The following SCRG1 variants were observed in gnomAD, a reference collection of about 807,000 sequenced individuals.
SCRG1 encodes scrapie-responsive protein 1.
A neutral mutation model predicts 7.7 loss-of-function variants in SCRG1; 3 were observed. The ratio of observed to expected loss-of-function variants is 0.39; its 90% CI spans 0.18 to 1.01. The LOEUF is 1.01. SCRG1 is among the 50% of genes least tolerant of loss of function. SCRG1 has a pLI of 0.36. For synonymous variants in SCRG1, 46 were observed against 41.2 expected (o/e 1.12, Z -0.44); for missense variants, 110 against 117.2 (o/e 0.94, Z 0.28).
the SCRG1 span, among the ~76,000 whole-genome samples, chr4:173,480,382 G>A: frequency 6.6e-6 from 1 of 150,872 alleles, no homozygotes; most frequent in Non-Finnish European, 1.5e-5. Context: ...TTTTTTTTAA[G>A]GCCTGGCCTT....
At chr4:173,394,418 G>A (rs2126916975) in intron 1 of SCRG1, among the ~76,000 whole-genome samples, 2 of 152,238 alleles carry the variant, frequency 1.3e-5, no homozygotes, top group South Asian at 4.1e-4. Context: ...GCCGAGGCAG[G>A]CAGATCACGA....
upstream of SCRG1, among the ~76,000 whole-genome samples, chr4:173,401,050 G>C (rs940049971): frequency 6.6e-6 from 1 of 152,158 alleles, no homozygotes; most frequent in Non-Finnish European, 1.5e-5. Flanking sequence ...TGACAGCAGT[G>C]CTGGGAGAAC....
At chr4:173,481,018 A>C in the SCRG1 span, among the ~76,000 whole-genome samples, 1 of 152,156 alleles carries the variant, frequency 6.6e-6, no homozygotes, top group African/African-American at 2.4e-5. Flanking sequence ...AAAACTAATT[A>C]GTTTTTCTCT....
At chr4:173,408,663 C>A (rs1164030143), upstream of SCRG1, among the ~76,000 whole-genome samples, 1 of 151,972 alleles carries the variant, frequency 6.6e-6, no homozygotes, top group Non-Finnish European at 1.5e-5. Context: ...ATGTCTTTCC[C>A]CTCCCCATAG....
chr4:173,490,112 G>A, the SCRG1 span, among the ~76,000 whole-genome samples: 41 of 152,216 alleles, frequency 2.7e-4, no homozygotes, highest in South Asian at 4.8e-3. Flanking sequence ...GAAGTCTGAC[G>A]ATTCTAAATT....
exon 1 of SCRG1, chr4:173,406,372 C>T (rs532469434): frequency 6.6e-6 from 1 of 152,202 alleles, no homozygotes; most frequent in Non-Finnish European, 1.5e-5. Flanking sequence ...GCAACTTCCC[C>T]CTCACTACGC....
At chr4:173,487,705 C>T in the SCRG1 span, among the ~76,000 whole-genome samples, 1 of 151,840 alleles carries the variant, frequency 6.6e-6, no homozygotes, top group Non-Finnish European at 1.5e-5. Flanking sequence ...TCATATACAC[C>T]ACATATTTGG....
the SCRG1 span, among the ~76,000 whole-genome samples, chr4:173,483,994 GATATATATT>G: frequency 2.0e-5 from 1 of 49,150 alleles, no homozygotes; most frequent in Non-Finnish European, 4.0e-5. Flanking sequence ...TATTATATAT[GATATATATT>G]ACATATTATA....
At chr4:173,389,974 G>C (rs1739377153) in intron 2 of SCRG1, 1 of 254,600 alleles carries the variant, frequency 3.9e-6, no homozygotes, top group African/African-American at 2.3e-5. Context: ...CAATAACCAG[G>C]GGGAAATGAT....
chr4:173,499,073 C>T, the SCRG1 span, among the ~76,000 whole-genome samples: 1 of 152,108 alleles, frequency 6.6e-6, no homozygotes, highest in African/African-American at 2.4e-5. This position sits in a 1 kb window ranked among gnomAD's most constrained non-coding sequence, Gnocchi z 4.1. Flanking sequence ...AAATGGGAGC[C>T]CTAAGAATTC....
the SCRG1 span, among the ~76,000 whole-genome samples, chr4:173,513,347 T>C: frequency 6.6e-6 from 1 of 152,304 alleles, no homozygotes; most frequent in South Asian, 2.1e-4. Context: ...AGAAGATCCC[T>C]TTGTTTCTGA....
chr4:173,430,368 C>G, the SCRG1 span, among the ~76,000 whole-genome samples: 3 of 152,136 alleles, frequency 2.0e-5, no homozygotes, highest in African/African-American at 7.2e-5. Flanking sequence ...AGGTTGATAA[C>G]AATACTGGTG....
chr4:173,510,431 T>C, the SCRG1 span, among the ~76,000 whole-genome samples: 1 of 151,572 alleles, frequency 6.6e-6, no homozygotes, highest in African/African-American at 2.4e-5. The surrounding 1 kb of genome is among the most constrained non-coding windows in gnomAD (Gnocchi z 5.7). Context: ...ACCATATATA[T>C]ATATATATAT....
At chr4:173,518,398 A>T in the SCRG1 span, among the ~76,000 whole-genome samples, 1 of 152,158 alleles carries the variant, frequency 6.6e-6, no homozygotes, top group East Asian at 1.9e-4. Flanking sequence ...TTATTTTTTT[A>T]AAATAAAGGC....
chr4:173,409,650 G>A (rs1376253732), upstream of SCRG1, among the ~76,000 whole-genome samples: 8 of 146,560 alleles, frequency 5.5e-5, no homozygotes, highest in Non-Finnish European at 7.4e-5. Flanking sequence ...GTGCAATAGC[G>A]CAATCTCAGC....
chr4:173,467,617 C>G, the SCRG1 span, among the ~76,000 whole-genome samples: 1 of 152,044 alleles, frequency 6.6e-6, no homozygotes, highest in Admixed American at 6.6e-5. Context: ...TCTTAGAACC[C>G]CTCCCGCTGG....
the SCRG1 span, among the ~76,000 whole-genome samples, chr4:173,458,757 A>G: frequency 6.6e-6 from 1 of 152,230 alleles, no homozygotes; most frequent in East Asian, 1.9e-4. Context: ...ATTACCTATC[A>G]ATAATACCTT....
chr4:173,444,261 T>A, the SCRG1 span, among the ~76,000 whole-genome samples: 140,879 of 152,210 alleles, frequency 0.93, 66,074 homozygotes, highest in Non-Finnish European at 1. Context: ...GGCATGAGCC[T>A]CTGCGCCTGG....
chr4:173,477,825 G>A, the SCRG1 span, among the ~76,000 whole-genome samples: 1 of 150,042 alleles, frequency 6.7e-6, no homozygotes, highest in Non-Finnish European at 1.5e-5. Context: ...ATGAAGAGCA[G>A]TGGCATAATC....
Sources: allele counts gnomAD v4.1 joint callset (sites outside exome capture counted in the v4.1 genomes callset), GRCh38; gene constraint gnomAD v4.1.1; non-coding constraint Gnocchi (gnomAD v3.1); transcripts MANE v1.5; gene names NCBI Gene and HGNC (gene_info 2026-07-23, HGNC 2026-07-21).